Variants in ACTR10 observed in about 807,000 individuals in gnomAD.
The protein encoded by ACTR10 is actin related protein 10.
In ACTR10, 43 loss-of-function variants were observed where a neutral mutation model predicts 56.2. The ratio of observed to expected loss-of-function variants is 0.77; its 90% CI spans 0.60 to 0.99. The LOEUF is 0.99. Among genes scored for constraint, ACTR10 ranks in the 50% least tolerant of loss-of-function variants. The pLI is 0.00. For missense variants in ACTR10, 466 were observed against 507.8 expected (o/e 0.92, Z 0.79); for synonymous variants, 170 against 176.3 (o/e 0.96, Z 0.28).
At chr14:58,210,312 C>T (rs994521516) in intron 4 of ACTR10, among the ~76,000 whole-genome samples, 1 of 151,960 alleles carries the variant, frequency 6.6e-6, no homozygotes, top group Non-Finnish European at 1.5e-5. Flanking sequence ...ATATTTTGTT[C>T]TTTGGTTTAA....
chr14:58,232,187 A>C lies in ACTR10; in HGVS notation c.992A>C (p.Lys331Thr). 1.2e-6 allele frequency: 2 copies of C among 1,613,898 alleles called. No homozygotes were observed. The highest frequency in any genetic ancestry group is 1.7e-6 in the Non-Finnish European group (2 of 1,179,944). Residue 331 changes from lysine (K) to threonine (T), a missense_variant, in exon 12 of 13, where the codon AAA (lysine) becomes ACA (threonine). Transcript: ENST00000254286. ...ATAAGGTATTTGGTAGAAAAACCAAAATATAAAAAAGCACTTGGCACTAAG... is the reference window on the plus strand; with the variant it reads ...ATAAGGTATTTGGTAGAAAAACCAACATATAAAAAAGCACTTGGCACTAAG... ...AEIRYLVEKP[K>T]YKKALGTKTF...
At position 58,203,527 on chromosome 14, in the gene ACTR10, C is replaced by G. The variant is rs539528238; in HGVS notation, c.150+600C>G. ...GTTTACAATTAATCCTCATTCCTAT[C>G]CTCAGCCCATTAGGGTGTACCTTCT... On this transcript the variant is annotated intron_variant, in intron 2 of 12. Coordinates refer to ENST00000254286, the MANE Select transcript of ACTR10 (RefSeq NM_018477.3). 2.0e-5 allele frequency among the ~76,000 whole-genome samples: 3 copies of G among 152,208 alleles called. No homozygotes were observed. The South Asian group carries it at 6.2e-4, about 32-fold the overall frequency.
At chr14:58,206,031 G>A (rs72716929) in intron 2 of ACTR10, among the ~76,000 whole-genome samples, 62,404 of 151,492 alleles carry the variant, frequency 0.41, 13,258 homozygotes, top group Non-Finnish European at 0.48. Context: ...CAAAAAAAAC[G>A]GGGGCGGGGG....
intron 7 of ACTR10, among the ~76,000 whole-genome samples, chr14:58,218,893 T>C (rs1325823481): frequency 6.6e-6 from 1 of 152,174 alleles, no homozygotes; most frequent in African/African-American, 2.4e-5. Context: ...TGGCATGATC[T>C]TGGCTTACCC....
intron 4 of ACTR10, among the ~76,000 whole-genome samples, chr14:58,210,854 T>C (rs1278027184): frequency 1.3e-5 from 2 of 152,100 alleles, no homozygotes; most frequent in African/African-American, 4.8e-5. Context: ...TTTGTATTTT[T>C]AGTAGAGACA....
chr14:58,212,557 GTTTT>G (rs967026654), intron 5 of ACTR10, among the ~76,000 whole-genome samples: 1 of 152,114 alleles, frequency 6.6e-6, no homozygotes, highest in Admixed American at 6.6e-5. Context: ...AAGCAGTAGT[GTTTT>G]TTAGTATAAA....
chr14:58,220,076 CATTTT>C (rs1889227294), intron 8 of ACTR10, among the ~76,000 whole-genome samples: 1 of 152,146 alleles, frequency 6.6e-6, no homozygotes, highest in African/African-American at 2.4e-5. Flanking sequence ...TTTCTTTATA[CATTTT>C]TCTAAGAACT....
Position 58,224,848 on chromosome 14 carries a change from C to G in ACTR10, c.788+992C>G, listed in dbSNP as rs150385106. ...CTACTAAAAATACAAAATTAGCCAGCTGTGGTAGCACATGCCCGTAATCCC... is the reference window on the plus strand; with the variant it reads ...CTACTAAAAATACAAAATTAGCCAGGTGTGGTAGCACATGCCCGTAATCCC... On this transcript the variant is annotated intron_variant, in intron 10 of 12. Coordinates refer to ENST00000254286, the MANE Select transcript of ACTR10 (RefSeq NM_018477.3). Among the ~76,000 whole-genome samples the G allele has an allele frequency of 5.9e-3, 893 of 152,020 alleles. 13 individuals are homozygous for G. Among genetic ancestry groups the G allele is most frequent in the African/African-American group, 0.021 (860 of 41,482 alleles).
At chr14:58,214,404 T>G (rs79528207) in intron 6 of ACTR10, among the ~76,000 whole-genome samples, 1 of 146,360 alleles carries the variant, frequency 6.8e-6, no homozygotes, top group Non-Finnish European at 1.5e-5. Flanking sequence ...CATTTTTTTC[T>G]TTTTTTTTTT....
intron 4 of ACTR10, 125 bp from the exon 5 acceptor site, chr14:58,211,167 G>A: frequency 1.5e-6 from 1 of 669,292 alleles, no homozygotes; most frequent in Non-Finnish European, 2.6e-6. Context: ...GGTTGAGTAG[G>A]TATCACCATA....
rs1889339640 is a variant in ACTR10 at position 58,223,874 on chromosome 14, T to C, written c.788+18T>C. On this transcript the variant is annotated intron_variant, in intron 10 of 12. Transcript: ENST00000254286. ...TCAATCAGGTTAGATCTTAAATTTT[T>C]ACGGCAAAGTAGTAAACTAAAATAA... 6.4e-7 allele frequency: 1 copy of C among 1,574,534 alleles called. No individual in the cohort carries two copies. Among genetic ancestry groups the C allele is most frequent in the Non-Finnish European group, 8.7e-7 (1 of 1,153,930 alleles).
At position 58,232,193 on chromosome 14, in the gene ACTR10, A is replaced by T. The variant is rs780226446; in HGVS notation, c.998A>T (p.Lys333Ile). Residue 333 changes from lysine (K) to isoleucine (I), a missense_variant, in exon 12 of 13, where the codon AAA (lysine) becomes ATA (isoleucine). Coordinates refer to ENST00000254286, the MANE Select transcript of ACTR10 (RefSeq NM_018477.3). ...IRYLVEKPKY[K>I]KALGTKTFRI... ...TATTTGGTAGAAAAACCAAAATATA[A>T]AAAAGCACTTGGCACTAAGACATTT... The T allele has an allele frequency of 2.5e-6, 4 of 1,613,936 alleles. No individual in the cohort carries two copies. The highest frequency in any genetic ancestry group is 3.4e-6 in the Non-Finnish European group (4 of 1,179,962).
chr14:58,215,102 T>C (rs1466865428), intron 6 of ACTR10, 103 bp from the exon 7 acceptor site: 1 of 708,608 alleles, frequency 1.4e-6, no homozygotes, highest in African/African-American at 1.8e-5. Flanking sequence ...TAAGACTGTC[T>C]CCAAAAAAAA....
chr14:58,202,915 T>C lies in ACTR10; in HGVS notation c.138T>C (p.Ala46=). 2 of 1,596,612 alleles carry C rather than the reference T, an allele frequency of 1.3e-6. No homozygotes were observed. Among genetic ancestry groups the C allele is most frequent in the Non-Finnish European group, 1.7e-6 (2 of 1,170,378 alleles). Residue 46 remains alanine, a synonymous_variant, in exon 2 of 13, where the codon GCT becomes GCC. Coordinates refer to ENST00000254286, the MANE Select transcript of ACTR10 (RefSeq NM_018477.3). ...TAATTCCTAGTGTGATAAAAAGAGC[T>C]GGGATGCCTAAGGTATTTAAAAAAA... ...RCIIPSVIKR[A]GMPKPVRVVQ... is the part of the protein sequence containing the mutation.
chr14:58,232,294 T>C, intron 12 of ACTR10, 27 bp downstream of exon 12: 1 of 1,574,968 alleles, frequency 6.3e-7, no homozygotes. Context: ...TAAAATATAA[T>C]GATTATATAG....
intron 6 of ACTR10, among the ~76,000 whole-genome samples, chr14:58,214,641 C>A (rs538960130): frequency 6.6e-6 from 1 of 151,502 alleles, no homozygotes; most frequent in East Asian, 2.0e-4. Flanking sequence ...CAGGCGTGCG[C>A]CGCCACGCCT....
chr14:58,200,406 C>G, intron 1 of ACTR10, 112 bp downstream of exon 1: 1 of 802,434 alleles, frequency 1.2e-6, no homozygotes, highest in Non-Finnish European at 1.7e-6. Flanking sequence ...CGGGCCTCCC[C>G]TTTTCTTCAA....
At chr14:58,231,941 G>A in intron 11 of ACTR10, 125 bp from the exon 12 acceptor site, 4 of 490,112 alleles carry the variant, frequency 8.2e-6, no homozygotes, top group Non-Finnish European at 1.3e-5. Context: ...ACGATCACCT[G>A]TTTAATCTGT....
chr14:58,216,087 C>T (rs560031634), intron 7 of ACTR10, among the ~76,000 whole-genome samples: 10 of 151,182 alleles, frequency 6.6e-5, no homozygotes, highest in Non-Finnish European at 1.2e-4. Context: ...TGGATGGATT[C>T]GGTCTGTTTC....
Sources: gnomAD v4.1 joint callset for allele counts (sites outside exome capture counted in the v4.1 genomes callset) on GRCh38, gnomAD v4.1.1 for gene constraint, MANE v1.5 for transcripts, NCBI Gene and HGNC (gene_info 2026-07-23, HGNC 2026-07-21) for gene names.